The following CCNL2 variants were observed in gnomAD, a reference collection of about 807,000 sequenced individuals.
The protein encoded by CCNL2 is cyclin L2, also known as cyclin-L2.
A neutral mutation model predicts 59.1 loss-of-function variants in CCNL2; 28 were observed. The ratio of observed to expected loss-of-function variants is 0.47; its 90% CI spans 0.35 to 0.65. CCNL2 has a LOEUF of 0.65. CCNL2 is among the 30% of genes least tolerant of loss of function. CCNL2 has a pLI of 0.00. For missense variants in CCNL2, 714 were observed against 717.4 expected (o/e 1.00, Z 0.05); for synonymous variants, 342 against 288.6 (o/e 1.19, Z -1.88).
chr1:1,388,397 T>C, intron 8 of CCNL2: 1 of 403,858 alleles, frequency 2.5e-6, no homozygotes. Context: ...GGCACGCGCC[T>C]GTAGTCCCAG....
In CCNL2 at chr1:1,390,475, A is replaced by G; in HGVS notation, c.848T>C (p.Leu283Pro). ...IQEICLKILQ[L>P]YARKKVDLTH... Reference sequence around the variant, plus strand: ...CCGAAGAACCTTTTTCCGAGCATAAAGCTGCAAGATCTTTAAGCAGATTTC... The same window carrying G: ...CCGAAGAACCTTTTTCCGAGCATAAGGCTGCAAGATCTTTAAGCAGATTTC... The change falls in exon 7 of 11, where the codon CTT becomes CCT. Residue 283 changes from leucine to proline, a missense_variant. This residue lies in a region of CCNL2 where 403 missense variants were observed against 377.7 expected (regional missense o/e 1.07). Transcript: ENST00000400809. The G allele has an allele frequency of 6.2e-7, 1 of 1,613,672 alleles. No individual in the cohort carries two copies. The highest frequency in any genetic ancestry group is 8.5e-7 in the Non-Finnish European group (1 of 1,179,878).
intron 1 of CCNL2, 49 bp from the exon 2 acceptor site, chr1:1,398,720 T>A (rs746985668): frequency 3.9e-6 from 6 of 1,549,744 alleles, no homozygotes; most frequent in Non-Finnish European, 5.3e-6. Flanking sequence ...ATTCAAAGCC[T>A]TCGCGGCCGA....
chr1:1,393,375 A>C (rs749843375), intron 5 of CCNL2, 21 bp downstream of exon 5: 2 of 1,610,992 alleles, frequency 1.2e-6, no homozygotes, highest in Admixed American at 1.7e-5. Flanking sequence ...TGGTCTCATA[A>C]AACAAGGAAG....
At chr1:1,391,672 ATTCT>A in intron 5 of CCNL2, 2 of 671,070 alleles carry the variant, frequency 3.0e-6, no homozygotes, top group South Asian at 3.4e-5. Flanking sequence ...ATCACAGTAC[ATTCT>A]TTAACTTTCA....
intron 8 of CCNL2, chr1:1,388,387 G>A: frequency 5.1e-6 from 2 of 394,424 alleles, no homozygotes; most frequent in South Asian, 2.0e-5. Context: ...TGGGCTTGGT[G>A]GCACGCGCCT....
At chr1:1,397,509 G>T (rs1030713367) in intron 3 of CCNL2, among the ~76,000 whole-genome samples, 1 of 152,158 alleles carries the variant, frequency 6.6e-6, no homozygotes, top group African/African-American at 2.4e-5. Flanking sequence ...CTGTCATCCA[G>T]TGAGTCGAGA....
Position 1,391,252 on chromosome 1 carries a change from G to T in CCNL2, c.660-387C>A, listed in dbSNP as rs778460309. 411 of 1,101,306 alleles carry T rather than the reference G, an allele frequency of 3.7e-4. 1 individual carries two copies. The highest frequency in any genetic ancestry group is 4.4e-4 in the Non-Finnish European group (391 of 896,700). 68.2% of individuals were successfully genotyped at this position (1,101,306 alleles called of 1,614,324 possible). A position where few individuals can be genotyped will look rare whatever the true frequency, so the allele number is the denominator to read the frequency against. Reference sequence around the variant, plus strand: ...AGTCACTAAAACGCTTTTGATTAAAGAAATCTAAATGCTCAAAATCCATAG... The same window carrying T: ...AGTCACTAAAACGCTTTTGATTAAATAAATCTAAATGCTCAAAATCCATAG... On this transcript the variant is annotated intron_variant, in intron 5 of 10. Transcript: ENST00000400809.
Position 1,399,001 on chromosome 1 carries a change from TCGCGGC to T in CCNL2, c.288+12_288+17del. On this transcript the variant is annotated intron_variant, in intron 1 of 10. Coordinates refer to ENST00000400809, the MANE Select transcript of CCNL2 (RefSeq NM_030937.6). ...CCCAGCGGTTACCTGGGCCGGAGGC[TCGCGGC>T]CGCGCCCTCACCTGCGGCAGGCGGA... is the stretch of plus-strand genomic sequence containing the variant. The T allele has an allele frequency of 6.3e-7, 1 of 1,579,898 alleles. No homozygotes were observed. Among genetic ancestry groups the T allele is most frequent in the Non-Finnish European group, 8.6e-7 (1 of 1,166,016 alleles).
rs745788659 is a variant in CCNL2, at chr1:1,387,566, A to T, written c.1228T>A (p.Ser410Thr). ...TGCGACTTGGACCCACCAGATGTGG[A>T]GCCGCTGTCACTTTTCCTGGGAGGA... ...SPKRRKSDSG[S>T]TSGGSKSQSR... The change falls in exon 11 of 11, where the codon TCC becomes ACC. Residue 410 changes from serine to threonine, a missense_variant. Ser to Thr is a moderately conservative substitution (Grantham distance 58). Around this residue, in one of 5 missense-constraint regions of CCNL2, gnomAD observed 403 missense variants for 377.7 expected, o/e 1.07. Transcript: ENST00000400809. The T allele has an allele frequency of 1.4e-5, 21 of 1,497,104 alleles. No individual in the cohort carries two copies. Among genetic ancestry groups the T allele is most frequent in the African/African-American group, 1.4e-5 (1 of 71,482 alleles). 92.7% of individuals were successfully genotyped at this position (1,497,104 alleles called of 1,614,324 possible). A position where few individuals can be genotyped will look rare whatever the true frequency, so the allele number is the denominator to read the frequency against.
Position 1,390,230 on chromosome 1 carries a change from C to T in CCNL2, c.1006G>A (p.Val336Met), listed in dbSNP as rs1557715147. The change falls in exon 8 of 11, where the codon GTG becomes ATG. Residue 336 changes from valine (V) to methionine (M), a missense_variant and splice_region_variant. Around this residue, in one of 5 missense-constraint regions of CCNL2, gnomAD observed 403 missense variants for 377.7 expected, o/e 1.07. Transcript: ENST00000400809. ...TSGFSPAPKL[V>M]ESPKEGKGSK... ...GATTCCTGCACTCTAACAGACTCACCCAGCTTGGGGGCAGGAGAGAACCCC... is the reference window on the plus strand; with the variant it reads ...GATTCCTGCACTCTAACAGACTCACTCAGCTTGGGGGCAGGAGAGAACCCC... 1 of 1,605,198 alleles carries T rather than the reference C, an allele frequency of 6.2e-7. No individual in the cohort carries two copies. The highest frequency in any genetic ancestry group is 1.3e-5 in the African/African-American group (1 of 74,798).
At chr1:1,391,582 A>G in intron 5 of CCNL2, 1 of 1,303,894 alleles carries the variant, frequency 7.7e-7, no homozygotes, top group Non-Finnish European at 1.0e-6. Flanking sequence ...GGGTCTTAAA[A>G]TGAACATTCA....
chr1:1,395,689 AACCTCCTCAT>A (rs1199863656), intron 3 of CCNL2, among the ~76,000 whole-genome samples, 175 bp from the exon 4 acceptor site: 1 of 152,180 alleles, frequency 6.6e-6, no homozygotes, highest in African/African-American at 2.4e-5. Context: ...GCCCAGTGCC[AACCTCCTCAT>A]CCCTTCCCAA....
chr1:1,390,600 C>G (rs777311236), intron 6 of CCNL2, 37 bp from the exon 7 acceptor site: 2 of 1,561,234 alleles, frequency 1.3e-6, no homozygotes, highest in African/African-American at 2.7e-5. Context: ...ACACTTTCCT[C>G]AACTTCACGG....
At position 1,386,246 on chromosome 1, in the gene CCNL2, T is replaced by C. The variant is rs1432747857; in HGVS notation, c.*985A>G. The C allele has an allele frequency of 3.3e-5, 5 of 152,238 alleles. No homozygotes were observed. Among genetic ancestry groups the C allele is most frequent in the Admixed American group, 6.5e-5 (1 of 15,286 alleles). The allele number at this position is 152,238 out of a possible 1,614,324, so 9.4% of individuals were successfully genotyped here. On this transcript the variant is annotated 3_prime_UTR_variant, in exon 11 of 11. Coordinates refer to ENST00000400809, the MANE Select transcript of CCNL2 (RefSeq NM_030937.6). ...CAGGAACGAGAGCACCTTGGAATCA[T>C]TCTGTGTTTCCAAAACTTCCCTCCT... is the stretch of plus-strand genomic sequence containing the variant.
At chr1:1,397,865 G>A (rs1051127587) in intron 3 of CCNL2, among the ~76,000 whole-genome samples, 3 of 152,026 alleles carry the variant, frequency 2.0e-5, no homozygotes, top group East Asian at 1.9e-4. Flanking sequence ...TGTCTCAGGA[G>A]GAAAAAAAAG....
At chr1:1,389,032 G>A (rs954605815) in intron 8 of CCNL2, 30 of 185,350 alleles carry the variant, frequency 1.6e-4, no homozygotes, top group Middle Eastern at 2.7e-3. Context: ...CTGAGACAGC[G>A]CCATTGCACT....
At chr1:1,394,685 G>A (rs1002073548) in intron 4 of CCNL2, among the ~76,000 whole-genome samples, 4 of 150,094 alleles carry the variant, frequency 2.7e-5, no homozygotes, top group African/African-American at 9.8e-5. Flanking sequence ...GGGAGGCAGA[G>A]GTTGCAGTGA....
intron 5 of CCNL2, chr1:1,392,486 A>G: frequency 7.9e-7 from 1 of 1,259,220 alleles, no homozygotes; most frequent in Non-Finnish European, 1.0e-6. Context: ...AGCTTTCCAT[A>G]GCATTTTTTT....
chr1:1,397,865 G>GA (rs1645129126), intron 3 of CCNL2, among the ~76,000 whole-genome samples: 1 of 152,026 alleles, frequency 6.6e-6, no homozygotes, highest in Non-Finnish European at 1.5e-5. Context: ...TGTCTCAGGA[G>GA]GAAAAAAAAG....
Sources: gnomAD v4.1 joint callset for allele counts (sites outside exome capture counted in the v4.1 genomes callset) on GRCh38, gnomAD v4.1.1 for gene constraint, gnomAD v4.1.1 regional missense constraint, MANE v1.5 for transcripts, NCBI Gene and HGNC (gene_info 2026-07-23, HGNC 2026-07-21) for gene names.